The following CXCL9 variants were observed in gnomAD, a reference collection of about 807,000 sequenced individuals.
The protein encoded by CXCL9 is C-X-C motif chemokine ligand 9.
CXCL9 carries 8 observed loss-of-function variants against 11.7 expected under a neutral mutation model. The observed-to-expected ratio is 0.68, with a 90% CI of 0.40 to 1.23. CXCL9 has a LOEUF of 1.23. Ranked by LOEUF, CXCL9 falls within the 50% of genes most tolerant of loss-of-function variation. The pLI is 0.01. For synonymous variants in CXCL9, 43 were observed against 48.2 expected (o/e 0.89, Z 0.45); for missense variants, 133 against 141.7 (o/e 0.94, Z 0.31).
chr4:76,001,600 A>G lies in CXCL9; in HGVS notation c.*1998T>C, dbSNP rs1271701619. 6.6e-6 allele frequency: 1 copy of G among 152,206 alleles called. No homozygotes were observed. The highest frequency in any genetic ancestry group is 2.4e-5 in the African/African-American group (1 of 41,450). 9.4% of individuals were successfully genotyped at this position (152,206 alleles called of 1,614,324 possible). The stretch of plus-strand genomic sequence containing the variant: ...TTTGAGAGTGTATGCATGTATGTAT[A>G]TATATGATAAATGATTATAACGTGT... On this transcript the variant is annotated 3_prime_UTR_variant, in exon 4 of 4. Transcript: ENST00000264888.
chr4:76,003,538 T>C lies in CXCL9; in HGVS notation c.*60A>G, dbSNP rs915272113. 12 of 947,036 alleles carry C rather than the reference T, an allele frequency of 1.3e-5. No homozygotes were observed. Among genetic ancestry groups the C allele is most frequent in the African/African-American group, 9.8e-5 (6 of 61,014 alleles). The allele number at this position is 947,036 out of a possible 1,614,324, so 58.7% of individuals were successfully genotyped here. The stretch of plus-strand genomic sequence containing the variant: ...TATATGCCATCCTCCTTTGGAATGA[T>C]AGCGGTATAATTAAAATAGAACATT... On this transcript the variant is annotated 3_prime_UTR_variant, in exon 4 of 4. Coordinates refer to ENST00000264888, the MANE Select transcript of CXCL9 (RefSeq NM_002416.3).
At position 76,002,517 on chromosome 4, in the gene CXCL9, C is replaced by T; in HGVS notation, c.*1081G>A. ...CTGAGACAATGGTCTGGTTGCCATC[C>T]TGCCCATAACAACATCAATTAAAAA... On this transcript the variant is annotated 3_prime_UTR_variant, in exon 4 of 4. Transcript: ENST00000264888. 1 of 396,504 alleles carries T rather than the reference C, an allele frequency of 2.5e-6. No homozygotes were observed. 24.6% of individuals were successfully genotyped at this position (396,504 alleles called of 1,614,324 possible).
intron 1 of CXCL9, among the ~76,000 whole-genome samples, chr4:76,007,089 C>T (rs943959231): frequency 5.9e-5 from 9 of 152,090 alleles, no homozygotes; most frequent in Admixed American, 4.6e-4. Context: ...TAGCAAAAAA[C>T]AGTATCAGGG....
chr4:76,003,331 G>T lies in CXCL9; in HGVS notation c.*267C>A, dbSNP rs997363340. On this transcript the variant is annotated 3_prime_UTR_variant, in exon 4 of 4. Transcript: ENST00000264888. ...TGGGTGAACATCTGTGTAGACATGG[G>T]TATTGCTAAAATCATGGCCTTAAGC... 7 of 396,108 alleles carry T rather than the reference G, an allele frequency of 1.8e-5. No individual in the cohort carries two copies. The highest frequency in any genetic ancestry group is 1.3e-4 in the African/African-American group (6 of 47,488). The allele number at this position is 396,108 out of a possible 1,614,324, so 24.5% of individuals were successfully genotyped here.
At chr4:76,004,743 C>CTATAATGAAAA (rs1731552039) in intron 3 of CXCL9, 66 bp downstream of exon 3, 6 of 1,535,392 alleles carry the variant, frequency 3.9e-6, no homozygotes, top group African/African-American at 2.8e-5. Flanking sequence ...AATGAAAAAG[C>CTATAATGAAAA]AGATTCTTTG....
At position 76,004,664 on chromosome 4, in the gene CXCL9, G is replaced by T. The variant is rs987943497; in HGVS notation, c.276+145C>A. On this transcript the variant is annotated intron_variant, in intron 3 of 3. Transcript: ENST00000264888. ...ATGTAGGAACCTAATTTTGTCCTAGGAACAAAATAGAAGCACCATAATATG... is the reference window on the plus strand; with the variant it reads ...ATGTAGGAACCTAATTTTGTCCTAGTAACAAAATAGAAGCACCATAATATG... The T allele has an allele frequency of 1.6e-5, 20 of 1,276,100 alleles. No individual in the cohort carries two copies. The African/African-American group carries it at 2.0e-4, about 13-fold the overall frequency. The allele number at this position is 1,276,100 out of a possible 1,614,324, so 79.0% of individuals were successfully genotyped here. A position where few individuals can be genotyped will look rare whatever the true frequency, so the allele number is the denominator to read the frequency against.
At chr4:76,004,060 C>G (rs1731531665) in intron 3 of CXCL9, among the ~76,000 whole-genome samples, 1 of 152,322 alleles carries the variant, frequency 6.6e-6, no homozygotes, top group East Asian at 1.9e-4. Context: ...ATCTAGACAG[C>G]TAGTATGTGG....
rs1044021203 is a variant in CXCL9 at position 76,002,575 on chromosome 4, G to C, written c.*1023C>G. The stretch of plus-strand genomic sequence containing the variant: ...AAACCTAGTTCCACAGTATTATTAG[G>C]CACTGTGGAAGAAACAGGGAAATAT... On this transcript the variant is annotated 3_prime_UTR_variant, in exon 4 of 4. Coordinates refer to ENST00000264888, the MANE Select transcript of CXCL9 (RefSeq NM_002416.3). 19 of 383,178 alleles carry C rather than the reference G, an allele frequency of 5.0e-5. No homozygotes were observed. The highest frequency in any genetic ancestry group is 3.7e-4 in the African/African-American group (18 of 48,332). 23.7% of individuals were successfully genotyped at this position (383,178 alleles called of 1,614,324 possible).
Position 76,006,085 on chromosome 4 carries a change from C to T in CXCL9, c.191+63G>A, listed in dbSNP as rs1057137736. The T allele has an allele frequency of 3.3e-6, 5 of 1,509,256 alleles. No homozygotes were observed. The African/African-American group carries it at 5.5e-5, about 17-fold the overall frequency. 93.5% of individuals were successfully genotyped at this position (1,509,256 alleles called of 1,614,324 possible). On this transcript the variant is annotated intron_variant, in intron 2 of 3. Transcript: ENST00000264888. ...ATGGGCAAGCACTCCAAGGGTAAAACTCATGCTAAATTTAATGTTCTTGCC... is the reference window on the plus strand; with the variant it reads ...ATGGGCAAGCACTCCAAGGGTAAAATTCATGCTAAATTTAATGTTCTTGCC...
intron 1 of CXCL9, among the ~76,000 whole-genome samples, 185 bp from the exon 2 acceptor site, chr4:76,006,459 C>A (rs1303759004): frequency 2.0e-5 from 3 of 152,128 alleles, no homozygotes; most frequent in African/African-American, 7.2e-5. Flanking sequence ...AACTAAGGTT[C>A]AGAAAGATTA....
Position 76,003,423 on chromosome 4 carries a change from G to A in CXCL9, c.*175C>T, listed in dbSNP as rs2149341525. On this transcript the variant is annotated 3_prime_UTR_variant, in exon 4 of 4. Coordinates refer to ENST00000264888, the MANE Select transcript of CXCL9 (RefSeq NM_002416.3). ...ATCATAGCCTTTAACAATTCTTAAC[G>A]TTTGGATTCTTAAAATCAACTTTCT... 8.9e-6 allele frequency: 5 copies of A among 561,124 alleles called. No individual in the cohort carries two copies. The highest frequency in any genetic ancestry group is 2.3e-5 in the South Asian group (1 of 42,976). 34.8% of individuals were successfully genotyped at this position (561,124 alleles called of 1,614,324 possible).
intron 3 of CXCL9, among the ~76,000 whole-genome samples, chr4:76,004,271 T>C (rs1234913085): frequency 6.6e-6 from 1 of 152,166 alleles, no homozygotes; most frequent in Non-Finnish European, 1.5e-5. Flanking sequence ...GCAGGTTCTC[T>C]CATGATTCTA....
In CXCL9 at chr4:76,006,294, A is replaced by G; in HGVS notation, c.65-20T>C. The G allele has an allele frequency of 6.2e-7, 1 of 1,611,898 alleles. No individual in the cohort carries two copies. The highest frequency in any genetic ancestry group is 8.5e-7 in the Non-Finnish European group (1 of 1,178,470). ...GGGTTCCTGAGGGAAAGAAAAAGAT[A>G]GAACACATCAGTATAGGCCAATGTT... On this transcript the variant is annotated intron_variant, in intron 1 of 3. Transcript: ENST00000264888.
intron 1 of CXCL9, 129 bp from the exon 2 acceptor site, chr4:76,006,403 C>T (rs1371578384): frequency 1.2e-6 from 1 of 865,882 alleles, no homozygotes; most frequent in East Asian, 2.7e-5. Flanking sequence ...AAAATAATCA[C>T]CACAAACCTT....
At chr4:76,006,591 C>T (rs960206380) in intron 1 of CXCL9, among the ~76,000 whole-genome samples, 5 of 152,210 alleles carry the variant, frequency 3.3e-5, no homozygotes, top group African/African-American at 1.2e-4. Flanking sequence ...GAGACTTTCA[C>T]AATATTTAAT....
intron 3 of CXCL9, among the ~76,000 whole-genome samples, chr4:76,003,924 T>C (rs564434562): frequency 5.9e-5 from 9 of 152,316 alleles, no homozygotes; most frequent in East Asian, 1.9e-4. Context: ...TTCTGGCTTA[T>C]TACATTCTCC....
At position 76,007,420 on chromosome 4, in the gene CXCL9, C is replaced by G; in HGVS notation, c.30G>C (p.Leu10Phe). MKKSGVLFL[L>F]GIILLVLIGV... Reference sequence around the variant, plus strand: ...CAATCAGAACCAGCAAGATGATGCCCAAGAGGAAAAGAACACCACTTTTCT... The same window carrying G: ...CAATCAGAACCAGCAAGATGATGCCGAAGAGGAAAAGAACACCACTTTTCT... The change falls in exon 1 of 4, where the codon TTG (leucine) becomes TTC (phenylalanine). Residue 10 changes from leucine to phenylalanine, a missense_variant. Leu to Phe is a conservative substitution (Grantham distance 22, BLOSUM62 0). Transcript: ENST00000264888. 2 of 1,604,148 alleles carry G rather than the reference C, an allele frequency of 1.2e-6. No homozygotes were observed. Among genetic ancestry groups the G allele is most frequent in the Non-Finnish European group, 1.7e-6 (2 of 1,170,964 alleles).
Position 76,007,414 on chromosome 4 carries a change from G to A in CXCL9, c.36C>T (p.Ile12=). ...KKSGVLFLLG[I]ILLVLIGVQG... is the part of the protein sequence containing the mutation. ...GCACTCCAATCAGAACCAGCAAGAT[G>A]ATGCCCAAGAGGAAAAGAACACCAC... The change falls in exon 1 of 4, where the codon ATC becomes ATT. Residue 12 remains isoleucine, a synonymous_variant. Transcript: ENST00000264888. 1 of 1,602,866 alleles carries A rather than the reference G, an allele frequency of 6.2e-7. No homozygotes were observed. The highest frequency in any genetic ancestry group is 2.2e-5 in the East Asian group (1 of 44,830).
At chr4:76,006,484 C>T (rs1267117402) in intron 1 of CXCL9, among the ~76,000 whole-genome samples, 1 of 152,162 alleles carries the variant, frequency 6.6e-6, no homozygotes, top group African/African-American at 2.4e-5. Context: ...CAAAGTCATA[C>T]AGCTTTTAGG....
Sources: gnomAD v4.1 joint callset for allele counts (sites outside exome capture counted in the v4.1 genomes callset) on GRCh38, gnomAD v4.1.1 for gene constraint, MANE v1.5 for transcripts, NCBI Gene and HGNC (gene_info 2026-07-23, HGNC 2026-07-21) for gene names.